SLC44A5: variants seen among roughly 807,000 people sequenced by gnomAD.
SLC44A5 encodes solute carrier family 44 member 5.
In SLC44A5, 57 loss-of-function variants were observed where a neutral mutation model predicts 101.8. The ratio of observed to expected loss-of-function variants is 0.56; its 90% confidence interval spans 0.45 to 0.70. The LOEUF is 0.70. Among genes scored for constraint, SLC44A5 ranks in the 30% least tolerant of loss-of-function variants. The pLI is 0.00. For synonymous variants in SLC44A5, 281 were observed against 290.9 expected, an observed-to-expected ratio of 0.97 and a Z score of 0.35; for missense variants, 737 against 853.1, an observed-to-expected ratio of 0.86 and a Z score of 1.70.
the SLC44A5 span, among the ~76,000 whole-genome samples, chr1:75,699,643 A>G: frequency 6.6e-6 from 1 of 152,076 alleles, no homozygotes; most frequent in Non-Finnish European, 1.5e-5. Context: ...ACAGGACCAA[A>G]TTCACACATA....
At chr1:75,558,536 C>T (rs12139331) in intron 1 of SLC44A5, among the ~76,000 whole-genome samples, 43,813 of 151,916 alleles carry the variant, frequency 0.29, 7,962 homozygotes, top group Non-Finnish European at 0.42. Context: ...AGGAAAAACT[C>T]CACACTACCT....
intron 3 of SLC44A5, among the ~76,000 whole-genome samples, chr1:75,375,579 T>C (rs145668326): frequency 2.0e-5 from 3 of 152,192 alleles, no homozygotes; most frequent in African/African-American, 7.2e-5. Flanking sequence ...TAAAGGCAAC[T>C]GTAGAAAAGG....
the SLC44A5 span, among the ~76,000 whole-genome samples, chr1:75,682,848 C>G: frequency 6.6e-6 from 1 of 152,102 alleles, no homozygotes; most frequent in Non-Finnish European, 1.5e-5. Flanking sequence ...ATTTTCGCAA[C>G]CTACTCATCT....
the SLC44A5 span, among the ~76,000 whole-genome samples, chr1:75,657,891 G>A: frequency 1.3e-5 from 2 of 152,078 alleles, no homozygotes; most frequent in Admixed American, 1.3e-4. Context: ...GCAATAGACA[G>A]GTCATTGAAA....
intron 1 of SLC44A5, among the ~76,000 whole-genome samples, chr1:75,553,895 G>A (rs1672077178): frequency 6.6e-6 from 1 of 151,954 alleles, no homozygotes; most frequent in Non-Finnish European, 1.5e-5. Flanking sequence ...GGAGGAGGAG[G>A]AGGAGGAGGA....
intron 2 of SLC44A5, among the ~76,000 whole-genome samples, chr1:75,490,518 C>G (rs1367106664): frequency 6.6e-6 from 1 of 152,130 alleles, no homozygotes; most frequent in Non-Finnish European, 1.5e-5. Flanking sequence ...GAGCATCTTT[C>G]TTTACACTGT....
chr1:75,225,757 G>C (rs1306785422), intron 13 of SLC44A5, among the ~76,000 whole-genome samples: 1 of 152,176 alleles, frequency 6.6e-6, no homozygotes, highest in East Asian at 1.9e-4. Flanking sequence ...AATCTGAAAA[G>C]TGAGTTATGA....
At chr1:75,257,856 A>G (rs964606526) in intron 6 of SLC44A5, among the ~76,000 whole-genome samples, 1 of 152,080 alleles carries the variant, frequency 6.6e-6, no homozygotes, top group Non-Finnish European at 1.5e-5. Context: ...TAACCAGTAC[A>G]TCTCAGTGGG....
intron 12 of SLC44A5, among the ~76,000 whole-genome samples, chr1:75,230,406 C>T (rs771629275): frequency 4.0e-5 from 6 of 151,804 alleles, no homozygotes; most frequent in South Asian, 2.1e-4. Flanking sequence ...TGCTACCATG[C>T]CCAGCTAATT....
At chr1:75,372,196 CAAA>C (rs770556856) in intron 3 of SLC44A5, among the ~76,000 whole-genome samples, 6 of 81,790 alleles carry the variant, frequency 7.3e-5, no homozygotes, top group Non-Finnish European at 2.4e-5. Context: ...GACTCTGTCT[CAAA>C]AAAAAAAAAA....
chr1:75,671,660 C>T, the SLC44A5 span, among the ~76,000 whole-genome samples: 2 of 152,064 alleles, frequency 1.3e-5, no homozygotes, highest in Non-Finnish European at 2.9e-5. Flanking sequence ...AAAAATCAAA[C>T]AATACTAGAG....
chr1:75,448,148 A>G (rs1343416823), intron 2 of SLC44A5, among the ~76,000 whole-genome samples: 1 of 152,212 alleles, frequency 6.6e-6, no homozygotes, highest in African/African-American at 2.4e-5. Flanking sequence ...TTGCTGTAAC[A>G]AAGGAATCCA....
chr1:75,642,817 T>C, the SLC44A5 span, among the ~76,000 whole-genome samples: 1 of 152,080 alleles, frequency 6.6e-6, no homozygotes, highest in African/African-American at 2.4e-5. Context: ...TAGGGGAGAA[T>C]TCTAAGAGAA....
chr1:75,676,833 TC>T, the SLC44A5 span, among the ~76,000 whole-genome samples: 3 of 151,706 alleles, frequency 2.0e-5, no homozygotes, highest in South Asian at 6.3e-4. Flanking sequence ...ATAATCAAAC[TC>T]CCAAACGTCA....
At chr1:75,402,213 T>A (rs1366960806) in intron 2 of SLC44A5, among the ~76,000 whole-genome samples, 3 of 152,276 alleles carry the variant, frequency 2.0e-5, no homozygotes, top group Non-Finnish European at 4.4e-5. Context: ...AATGTTCTGT[T>A]TTCTGTATAG....
At chr1:75,611,751 A>T (rs184312284), upstream of SLC44A5, among the ~76,000 whole-genome samples, 1 of 152,296 alleles carries the variant, frequency 6.6e-6, no homozygotes, top group East Asian at 1.9e-4. Context: ...CTCTTGGAAC[A>T]TGCTCATATC....
the SLC44A5 span, among the ~76,000 whole-genome samples, chr1:75,715,318 A>G: frequency 6.6e-6 from 1 of 152,216 alleles, no homozygotes; most frequent in Admixed American, 6.5e-5. Flanking sequence ...TGTGAACCAA[A>G]AAGGAGCCCA....
chr1:75,262,985 T>C (rs780761567), intron 6 of SLC44A5, among the ~76,000 whole-genome samples: 15 of 152,334 alleles, frequency 9.8e-5, no homozygotes, highest in Non-Finnish European at 2.1e-4. Flanking sequence ...TAACTCAATA[T>C]GGATTAACGA....
At chr1:75,652,083 GA>G in the SLC44A5 span, among the ~76,000 whole-genome samples, 1 of 152,022 alleles carries the variant, frequency 6.6e-6, no homozygotes, top group African/African-American at 2.4e-5. Context: ...CTTCCTCTGG[GA>G]ACATTCAACT....
Sources: allele counts gnomAD v4.1 joint callset (sites outside exome capture counted in the v4.1 genomes callset), GRCh38; gene constraint gnomAD v4.1.1; transcripts MANE v1.5; gene names NCBI Gene and HGNC (gene_info 2026-07-23, HGNC 2026-07-21).